Variants in DLGAP1 observed in about 807,000 individuals in gnomAD.
DLGAP1 encodes the protein DLG associated protein 1, also known as disks large-associated protein 1.
In DLGAP1, 11 loss-of-function variants were observed where a neutral mutation model predicts 90.8. The observed-to-expected ratio is 0.12, with a 90% CI of 0.08 to 0.20. The LOEUF (loss-of-function observed/expected upper bound fraction) is 0.20. Ranked by LOEUF, DLGAP1 falls within the 10% of genes least tolerant of loss-of-function variation. The pLI is 1.00. For missense variants in DLGAP1, 1,050 were observed against 1,333.8 expected (o/e 0.79, Z 3.31); for synonymous variants, 558 against 540.7 (o/e 1.03, Z -0.44).
At chr18:3,856,292 C>T (rs1354056071) in intron 4 of DLGAP1, among the ~76,000 whole-genome samples, 6 of 152,180 alleles carry the variant, frequency 3.9e-5, no homozygotes, top group African/African-American at 1.2e-4. Context: ...ATGAACTCAA[C>T]GGAACAGAAA....
chr18:4,266,234 C>G (rs1223211904), intron 1 of DLGAP1, among the ~76,000 whole-genome samples: 2 of 152,168 alleles, frequency 1.3e-5, no homozygotes. Context: ...ATAAGTAGCT[C>G]TACACTCCAT....
chr18:3,824,182 T>A (rs2067587319), intron 4 of DLGAP1, among the ~76,000 whole-genome samples: 1 of 152,130 alleles, frequency 6.6e-6, no homozygotes, highest in South Asian at 2.1e-4. Context: ...ATCCACCATA[T>A]CCTATGATGT....
chr18:4,028,652 T>C (rs2074743403), intron 2 of DLGAP1, among the ~76,000 whole-genome samples: 2 of 152,222 alleles, frequency 1.3e-5, no homozygotes, highest in South Asian at 4.1e-4. Flanking sequence ...CTGTTATCCT[T>C]ACATCTTTTT....
intron 2 of DLGAP1, among the ~76,000 whole-genome samples, chr18:4,082,524 A>AAAAAAAAAAAAAAAAAAAAC: frequency 6.7e-6 from 1 of 148,704 alleles, no homozygotes; most frequent in Non-Finnish European, 1.5e-5. Context: ...AAAAAAAAAA[A>AAAAAAAAAAAAAAAAAAAAC]AAAAAAAAAA....
In DLGAP1 at chr18:3,879,162, T is replaced by C. The variant is rs762231648; in HGVS notation, c.907A>G (p.Met303Val). 5.9e-6 allele frequency: 9 copies of C among 1,513,014 alleles called. No homozygotes were observed. The highest frequency in any genetic ancestry group is 5.6e-5 in the African/African-American group (4 of 71,544). 93.7% of individuals were successfully genotyped at this position (1,513,014 alleles called of 1,614,324 possible). A position where few individuals can be genotyped will look rare whatever the true frequency, so the allele number is the denominator to read the frequency against. Residue 303 changes from methionine to valine, a missense_variant, in exon 4 of 13, where the codon ATG (methionine) becomes GTG (valine). Met to Val is a conservative substitution (Grantham distance 21). Coordinates refer to ENST00000315677, the MANE Select transcript of DLGAP1 (RefSeq NM_004746.4). This position sits in a 1 kb window ranked among gnomAD's most constrained non-coding sequence, Gnocchi z 6.6. Reference protein sequence around the residue: ...QKASVNMDQAMVKSESCQQER... With the variant: ...QKASVNMDQAVVKSESCQQER... ...TGCTGACACGACTCGGACTTCACCA[T>C]GGCCTGGTCCATGTTCACCGAGGCC... is the stretch of plus-strand genomic sequence containing the variant.
At chr18:4,192,837 G>A (rs1325830993) in intron 1 of DLGAP1, among the ~76,000 whole-genome samples, 4 of 152,134 alleles carry the variant, frequency 2.6e-5, no homozygotes, top group African/African-American at 9.7e-5. Context: ...GGGGAATTTA[G>A]GATATGTTCT....
intron 1 of DLGAP1, among the ~76,000 whole-genome samples, chr18:4,354,523 CTTAAGTCTTTGCCTCTTCATTTTCTG>C (rs1422895869): frequency 6.6e-6 from 1 of 152,112 alleles, no homozygotes; most frequent in African/African-American, 2.4e-5. Flanking sequence ...GACAGCTTTC[CTTAAGTCTTTGCCTCTTCATTTTCTG>C]AAGGCTCCCA....
At chr18:3,663,794 T>C (rs998067064) in intron 7 of DLGAP1, among the ~76,000 whole-genome samples, 4 of 152,214 alleles carry the variant, frequency 2.6e-5, no homozygotes, top group Admixed American at 1.3e-4. Context: ...AGTTTGTGTG[T>C]CAACTTGACT....
chr18:3,748,275 C>T (rs2063354743), intron 5 of DLGAP1, among the ~76,000 whole-genome samples: 1 of 152,196 alleles, frequency 6.6e-6, no homozygotes, highest in Admixed American at 6.5e-5. Context: ...ACAAGCTTGA[C>T]CCTTTGTATC....
At chr18:3,714,638 G>GTTTTT (rs1568002507) in intron 7 of DLGAP1, among the ~76,000 whole-genome samples, 1 of 125,748 alleles carries the variant, frequency 8.0e-6, no homozygotes, top group African/African-American at 3.2e-5. Context: ...CTGATTACGT[G>GTTTTT]GTTTTTTTTT....
At chr18:3,988,028 T>C (rs2073877640) in intron 3 of DLGAP1, among the ~76,000 whole-genome samples, 2 of 152,116 alleles carry the variant, frequency 1.3e-5, no homozygotes, top group African/African-American at 2.4e-5. Flanking sequence ...CATTGTAATA[T>C]GTAGTGGAAT....
chr18:3,550,887 G>A (rs1473179372), intron 9 of DLGAP1, among the ~76,000 whole-genome samples: 3 of 151,652 alleles, frequency 2.0e-5, no homozygotes, highest in Non-Finnish European at 4.4e-5. Context: ...GATTACAGGG[G>A]CCCACCACCA....
At chr18:4,440,417 GTGGAT>G (rs915987858) in intron 1 of DLGAP1, among the ~76,000 whole-genome samples, 1 of 152,030 alleles carries the variant, frequency 6.6e-6, no homozygotes, top group African/African-American at 2.4e-5. Context: ...TGGGACATTT[GTGGAT>G]TTAACAGTGG....
chr18:3,986,324 T>C (rs1006765292), intron 3 of DLGAP1: 1 of 152,234 alleles, frequency 6.6e-6, no homozygotes. Context: ...ATTAGTGGCA[T>C]TCAGCTATCA....
intron 2 of DLGAP1, among the ~76,000 whole-genome samples, chr18:4,023,217 G>A (rs529306688): frequency 6.6e-6 from 1 of 152,298 alleles, no homozygotes; most frequent in South Asian, 2.1e-4. Context: ...TTCTCTTGCT[G>A]TGAATTGCCT....
rs2088707822 is a variant in DLGAP1, at chr18:3,517,886, G to A, written c.2480-9225C>T. 6.6e-6 allele frequency among the ~76,000 whole-genome samples: 1 copy of A among 151,364 alleles called. No homozygotes were observed. Among genetic ancestry groups the A allele is most frequent in the Non-Finnish European group, 1.5e-5 (1 of 67,966 alleles). On this transcript the variant is annotated intron_variant, in intron 10 of 12. Coordinates refer to ENST00000315677, the MANE Select transcript of DLGAP1 (RefSeq NM_004746.4). This position sits in a 1 kb window ranked among gnomAD's most constrained non-coding sequence, Gnocchi z 4.1. ...AAGCTTTGGCTTAAGGGAATGTTGTGCCTGGTTTGTTCTTCTCTCCAGACC... is the reference window on the plus strand; with the variant it reads ...AAGCTTTGGCTTAAGGGAATGTTGTACCTGGTTTGTTCTTCTCTCCAGACC...
chr18:3,704,185 G>A (rs2061366366), intron 7 of DLGAP1, among the ~76,000 whole-genome samples: 2 of 152,170 alleles, frequency 1.3e-5, no homozygotes, highest in South Asian at 2.1e-4. Flanking sequence ...CACATGCCAG[G>A]GACCCCAGAG....
intron 1 of DLGAP1, among the ~76,000 whole-genome samples, chr18:4,152,773 A>G (rs1363668324): frequency 6.6e-6 from 1 of 152,218 alleles, no homozygotes. Flanking sequence ...GCCATCATCA[A>G]AAGCTTTTAG....
intron 10 of DLGAP1, among the ~76,000 whole-genome samples, chr18:3,527,415 T>TTTTTG: frequency 6.8e-6 from 1 of 146,384 alleles, no homozygotes; most frequent in African/African-American, 2.5e-5. Context: ...CCAAACTTTT[T>TTTTTG]TTTTTTTTTT....
Sources: allele counts gnomAD v4.1 joint callset (sites outside exome capture counted in the v4.1 genomes callset), GRCh38; gene constraint gnomAD v4.1.1; non-coding constraint Gnocchi (gnomAD v3.1); transcripts MANE v1.5; gene names NCBI Gene and HGNC (gene_info 2026-07-23, HGNC 2026-07-21).